NCKAP1: variants seen among roughly 807,000 people sequenced by gnomAD.
NCKAP1 encodes NCK associated protein 1, also known as nck-associated protein 1.
In NCKAP1, 21 loss-of-function variants were observed where a neutral mutation model predicts 151.2. The ratio of observed to expected loss-of-function variants is 0.14; its 90% CI spans 0.10 to 0.20. The LOEUF is 0.20. Among genes scored for constraint, NCKAP1 ranks in the 10% least tolerant of loss-of-function variants. The pLI is 1.00. For missense variants in NCKAP1, 933 were observed against 1,352.1 expected (o/e 0.69, Z 4.86); for synonymous variants, 484 against 451.8 (o/e 1.07, Z -0.90).
At chr2:182,938,311 A>C (rs1019005430) in intron 24 of NCKAP1, among the ~76,000 whole-genome samples, 2 of 152,238 alleles carry the variant, frequency 1.3e-5, no homozygotes. Context: ...AAGATATCAC[A>C]AGCTGACACT....
intron 14 of NCKAP1, among the ~76,000 whole-genome samples, chr2:182,978,434 T>C (rs1697869449): frequency 6.6e-6 from 1 of 152,106 alleles, no homozygotes; most frequent in Non-Finnish European, 1.5e-5. Flanking sequence ...AGTTTCCAAA[T>C]CTGTCAAAAG....
chr2:182,928,090 T>C (rs1696684969), intron 29 of NCKAP1, 27 bp downstream of exon 29: 1 of 1,445,590 alleles, frequency 6.9e-7, no homozygotes, highest in Non-Finnish European at 9.6e-7. Flanking sequence ...TAAAATGTGA[T>C]GAGTTTTGTT....
intron 18 of NCKAP1, among the ~76,000 whole-genome samples, chr2:182,957,910 AAG>A (rs1181675669): frequency 6.6e-6 from 1 of 152,218 alleles, no homozygotes; most frequent in East Asian, 1.9e-4. Flanking sequence ...AGGAATGAAA[AAG>A]AATATTTCAC....
At chr2:182,926,138 T>G (rs1383313538) in intron 30 of NCKAP1, among the ~76,000 whole-genome samples, 2 of 151,918 alleles carry the variant, frequency 1.3e-5, no homozygotes, top group South Asian at 2.1e-4. Flanking sequence ...ATTTTTTTTT[T>G]GTACTATCAA....
At chr2:182,983,793 G>A (rs1013755134) in intron 10 of NCKAP1, among the ~76,000 whole-genome samples, 1 of 152,162 alleles carries the variant, frequency 6.6e-6, no homozygotes, top group Admixed American at 6.5e-5. Flanking sequence ...AGCACTTTGG[G>A]AGACCAACTT....
chr2:182,911,047 T>A lies in NCKAP1; in HGVS notation c.*14655A>T, dbSNP rs1456112505. 2.0e-5 allele frequency: 3 copies of A among 147,106 alleles called. No individual in the cohort carries two copies. The East Asian group carries it at 6.8e-4, about 33-fold the overall frequency. The allele number at this position is 147,106 out of a possible 1,614,324, so 9.1% of individuals were successfully genotyped here. On this transcript the variant is annotated 3_prime_UTR_variant, in exon 31 of 31. Coordinates refer to ENST00000361354, the MANE Select transcript of NCKAP1 (RefSeq NM_013436.5). ...TCCCGGCCATGATGGGATGGGAGGT[T>A]GGGCACATCTCATTATACCCCCTCC...
At chr2:183,021,891 T>C (rs1441233033) in intron 2 of NCKAP1, among the ~76,000 whole-genome samples, 1 of 152,160 alleles carries the variant, frequency 6.6e-6, no homozygotes, top group Non-Finnish European at 1.5e-5. Context: ...ACTCTGTGAA[T>C]GTACTTAAAA....
At chr2:182,944,435 G>A (rs184226826) in intron 23 of NCKAP1, among the ~76,000 whole-genome samples, 14 of 152,166 alleles carry the variant, frequency 9.2e-5, no homozygotes, top group African/African-American at 3.4e-4. Context: ...TCTGTAAAAT[G>A]CCAAAACAAT....
chr2:182,931,118 A>C (rs999511804), intron 26 of NCKAP1, among the ~76,000 whole-genome samples: 5 of 152,122 alleles, frequency 3.3e-5, no homozygotes, highest in Non-Finnish European at 5.9e-5. Context: ...TAAATGAACA[A>C]AGTGAATCAA....
rs138208422 is a variant in NCKAP1, at chr2:183,022,403, A to G, written c.219+1403T>C. Among the ~76,000 whole-genome samples, 12 of 152,356 alleles carry G rather than the reference A, an allele frequency of 7.9e-5. No homozygotes were observed. In the East Asian group the frequency reaches 1.7e-3, roughly 22 times the overall value. On this transcript the variant is annotated intron_variant, in intron 2 of 30. Coordinates refer to ENST00000361354, the MANE Select transcript of NCKAP1 (RefSeq NM_013436.5). ...GTAACTAAAAAAGAGTTCTCCACAC[A>G]AACAAAAGTGTTAAGAAGTGCAAGT...
chr2:182,934,053 A>G (rs1031910107), intron 26 of NCKAP1, among the ~76,000 whole-genome samples: 11 of 152,152 alleles, frequency 7.2e-5, no homozygotes, highest in African/African-American at 2.2e-4. Flanking sequence ...GCCTACAATT[A>G]CATCCTTTTA....
chr2:182,963,763 G>A (rs1221280737), intron 17 of NCKAP1, among the ~76,000 whole-genome samples: 6 of 152,038 alleles, frequency 3.9e-5, no homozygotes, highest in Non-Finnish European at 7.4e-5. Context: ...CAGGTGTCAA[G>A]TTTGGGAGAA....
At chr2:182,986,844 T>C (rs1308107058) in intron 9 of NCKAP1, among the ~76,000 whole-genome samples, 1 of 152,128 alleles carries the variant, frequency 6.6e-6, no homozygotes, top group African/African-American at 2.4e-5. Flanking sequence ...GATGCTACCA[T>C]GAAAACAAAT....
chr2:182,964,862 A>C (rs1697531820), intron 16 of NCKAP1, 54 bp from the exon 17 acceptor site: 1 of 1,389,576 alleles, frequency 7.2e-7, no homozygotes, highest in Non-Finnish European at 9.9e-7. Flanking sequence ...AAGTTTTCTG[A>C]TATAGTACCT....
intron 29 of NCKAP1, 37 bp downstream of exon 29, chr2:182,928,080 T>TAAA (rs766250427): frequency 4.2e-6 from 6 of 1,424,886 alleles, no homozygotes; most frequent in Non-Finnish European, 4.8e-6. Context: ...GTTTTCTTTA[T>TAAA]AAAATGTGAT....
chr2:182,978,821 A>G lies in NCKAP1; in HGVS notation c.1423+13T>C. The G allele has an allele frequency of 6.9e-7, 1 of 1,449,492 alleles. No individual in the cohort carries two copies. Among genetic ancestry groups the G allele is most frequent in the South Asian group, 1.4e-5 (1 of 71,176 alleles). 89.8% of individuals were successfully genotyped at this position (1,449,492 alleles called of 1,614,324 possible). On this transcript the variant is annotated intron_variant, in intron 14 of 30. Coordinates refer to ENST00000361354, the MANE Select transcript of NCKAP1 (RefSeq NM_013436.5). ...TTAGAAGAAAATATGCTTTTATTTA[A>G]AAGGCTTATTACCTTGTTTTACACT...
chr2:182,964,201 G>GCACATACAA (rs2105835567), intron 17 of NCKAP1, among the ~76,000 whole-genome samples: 1 of 152,194 alleles, frequency 6.6e-6, no homozygotes, highest in Non-Finnish European at 1.5e-5. Flanking sequence ...GTGTGTGTAT[G>GCACATACAA]CACATGCATG....
At chr2:182,972,471 G>A (rs1171366702) in intron 15 of NCKAP1, among the ~76,000 whole-genome samples, 1 of 152,132 alleles carries the variant, frequency 6.6e-6, no homozygotes, top group African/African-American at 2.4e-5. Flanking sequence ...TACTGCAGGT[G>A]GGAATGTGAA....
At chr2:182,952,678 T>TA in intron 22 of NCKAP1, 115 bp downstream of exon 22, 1 of 1,185,552 alleles carries the variant, frequency 8.4e-7, no homozygotes, top group South Asian at 1.6e-5. Context: ...AATATGCAGT[T>TA]ACGCATATAA....
Sources: gnomAD v4.1 joint callset for allele counts (sites outside exome capture counted in the v4.1 genomes callset) on GRCh38, gnomAD v4.1.1 for gene constraint, MANE v1.5 for transcripts, NCBI Gene and HGNC (gene_info 2026-07-23, HGNC 2026-07-21) for gene names.